Variants in SORBS3 observed in about 807,000 individuals in gnomAD.
SORBS3 encodes the protein sorbin and SH3 domain containing 3.
Under a neutral mutation model 98.0 loss-of-function variants are expected in SORBS3, and 69 were observed. The observed-to-expected ratio is 0.70, with a 90% CI of 0.58 to 0.86. The LOEUF is 0.86. Among genes scored for constraint, SORBS3 ranks in the 40% least tolerant of loss-of-function variants. The pLI is 0.00. For synonymous variants in SORBS3, 394 were observed against 355.4 expected (o/e 1.11, Z -1.22); for missense variants, 954 against 908.5 (o/e 1.05, Z -0.64).
chr8:22,552,825 C>A (rs184822078), intron 1 of SORBS3, among the ~76,000 whole-genome samples: 74 of 152,300 alleles, frequency 4.9e-4, no homozygotes, highest in African/African-American at 1.7e-3. Context: ...CTCCCCCCCG[C>A]AAGGGGAGGT....
At chr8:22,570,013 G>C (rs1336438164) in intron 17 of SORBS3, among the ~76,000 whole-genome samples, 1 of 152,168 alleles carries the variant, frequency 6.6e-6, no homozygotes, top group Non-Finnish European at 1.5e-5. Context: ...TTCTGTGTAT[G>C]CACATATATA....
rs796731407 is a variant in SORBS3 at position 22,555,128 on chromosome 8, T to C, written c.220+148T>C. ...TCCTCAGAGGCCTCTGGGCTCACTA[T>C]GAGCCCCTCCCTGCGGAGCCTGCTG... On this transcript the variant is annotated intron_variant, in intron 3 of 20. Coordinates refer to ENST00000240123, the MANE Select transcript of SORBS3 (RefSeq NM_005775.5). 33 of 689,656 alleles carry C rather than the reference T, an allele frequency of 4.8e-5. No homozygotes were observed. In the South Asian group the frequency reaches 5.5e-4, roughly 11 times the overall value. The allele number at this position is 689,656 out of a possible 1,614,324, so 42.7% of individuals were successfully genotyped here. A position where few individuals can be genotyped will look rare whatever the true frequency, so the allele number is the denominator to read the frequency against.
intron 20 of SORBS3, among the ~76,000 whole-genome samples, chr8:22,573,048 A>T (rs942974722): frequency 2.0e-5 from 3 of 152,132 alleles, no homozygotes; most frequent in African/African-American, 7.2e-5. Context: ...GAGAGAAGAG[A>T]GTGGCCAGAA....
chr8:22,552,922 CCT>C (rs1840112400), intron 1 of SORBS3, among the ~76,000 whole-genome samples: 1 of 152,202 alleles, frequency 6.6e-6, no homozygotes, highest in Non-Finnish European at 1.5e-5. Flanking sequence ...CCTCCTCCAG[CCT>C]CAGCCCTCCA....
At chr8:22,547,729 G>A (rs1394336630), upstream of SORBS3, among the ~76,000 whole-genome samples, 1 of 152,194 alleles carries the variant, frequency 6.6e-6, no homozygotes, top group Non-Finnish European at 1.5e-5. Flanking sequence ...ACAGCCACTT[G>A]TTTGTTTCAT....
intron 4 of SORBS3, among the ~76,000 whole-genome samples, chr8:22,557,434 C>T (rs1392294239): frequency 6.6e-6 from 1 of 152,170 alleles, no homozygotes; most frequent in African/African-American, 2.4e-5. Context: ...TGGTAACATT[C>T]CCTTCCTGTT....
chr8:22,568,769 G>A (rs2117281968), intron 16 of SORBS3, among the ~76,000 whole-genome samples: 1 of 152,312 alleles, frequency 6.6e-6, no homozygotes, highest in South Asian at 2.1e-4. Flanking sequence ...TGAGAAAAGG[G>A]TGAATGCTCA....
At chr8:22,560,352 T>C (rs1399390128) in intron 5 of SORBS3, among the ~76,000 whole-genome samples, 2 of 151,784 alleles carry the variant, frequency 1.3e-5, no homozygotes, top group African/African-American at 4.8e-5. Flanking sequence ...CAAGATCACC[T>C]AGGGAGATAG....
intron 10 of SORBS3, 31 bp downstream of exon 10, chr8:22,564,552 C>T (rs1840365549): frequency 1.2e-6 from 2 of 1,613,080 alleles, no homozygotes; most frequent in South Asian, 2.2e-5. Flanking sequence ...GGGACAGCAG[C>T]CTGATAAACC....
chr8:22,547,325 G>A (rs1434033266), upstream of SORBS3, among the ~76,000 whole-genome samples: 4 of 115,722 alleles, frequency 3.5e-5, no homozygotes, highest in African/African-American at 1.3e-4. Context: ...GCATGGTCTT[G>A]CCTTTTTTTT....
intron 5 of SORBS3, chr8:22,560,989 C>A (rs1469048850): frequency 3.9e-6 from 1 of 259,492 alleles, no homozygotes; most frequent in African/African-American, 2.2e-5. Flanking sequence ...GGAAGGAAAG[C>A]GTTTGGAAGA....
At position 22,575,062 on chromosome 8, in the gene SORBS3, T is replaced by C; in HGVS notation, c.*334T>C. 2.1e-6 allele frequency: 1 copy of C among 478,412 alleles called. No individual in the cohort carries two copies. The highest frequency in any genetic ancestry group is 4.1e-6 in the Non-Finnish European group (1 of 246,636). The allele number at this position is 478,412 out of a possible 1,614,324, so 29.6% of individuals were successfully genotyped here. The stretch of plus-strand genomic sequence containing the variant: ...CCCCATCCTGCTCCAGCGTTTCCTC[T>C]AACAGGGACCAGCTCTCCGCTTTGC... On this transcript the variant is annotated 3_prime_UTR_variant, in exon 21 of 21. Transcript: ENST00000240123.
chr8:22,561,544 G>C, intron 6 of SORBS3, 171 bp downstream of exon 6: 3 of 695,776 alleles, frequency 4.3e-6, no homozygotes, highest in Non-Finnish European at 7.4e-6. Flanking sequence ...CCGGTAGGTG[G>C]TAATTAACAG....
At position 22,575,241 on chromosome 8, in the gene SORBS3, G is replaced by A. The variant is rs565170362; in HGVS notation, c.*513G>A. ...TGGGTGTGGGGGGGCGGAGCAAGGC[G>A]GGGGACAGACGCAGCACCTTCTTAG... On this transcript the variant is annotated 3_prime_UTR_variant, in exon 21 of 21. Coordinates refer to ENST00000240123, the MANE Select transcript of SORBS3 (RefSeq NM_005775.5). 50 of 315,058 alleles carry A rather than the reference G, an allele frequency of 1.6e-4. No homozygotes were observed. Among genetic ancestry groups the A allele is most frequent in the South Asian group, 4.9e-4 (19 of 38,852 alleles). 19.5% of individuals were successfully genotyped at this position (315,058 alleles called of 1,614,324 possible).
chr8:22,560,640 G>T (rs889730952), intron 5 of SORBS3, among the ~76,000 whole-genome samples: 4 of 152,190 alleles, frequency 2.6e-5, no homozygotes, highest in African/African-American at 9.7e-5. Flanking sequence ...AGAGTGAGTG[G>T]TTGGGCAGTG....
At chr8:22,557,045 G>C in intron 4 of SORBS3, 137 bp downstream of exon 4, 1 of 991,522 alleles carries the variant, frequency 1.0e-6, no homozygotes, top group Admixed American at 2.4e-5. Context: ...GTTCAACCGT[G>C]GTGGGGTTCA....
In SORBS3 at chr8:22,572,419, C is replaced by G. The variant is rs1029628242; in HGVS notation, c.1927C>G (p.Gln643Glu). Reference sequence around the variant, plus strand: ...CGAGGGGGACAGGGTGGATGTCATGCAGCAGTGTGACGATGGCTGGTTTGT... The same window carrying G: ...CGAGGGGGACAGGGTGGATGTCATGGAGCAGTGTGACGATGGCTGGTTTGT... ...LREGDRVDVM[Q>E]QCDDGWFVGV... The change falls in exon 20 of 21, where the codon CAG becomes GAG. Residue 643 changes from glutamine (Q) to glutamate (E), a missense_variant. By Grantham distance (29) the Gln-to-Glu change is conservative. Transcript: ENST00000240123. 11 of 1,613,762 alleles carry G rather than the reference C, an allele frequency of 6.8e-6. No homozygotes were observed. Among genetic ancestry groups the G allele is most frequent in the Admixed American group, 5.0e-5 (3 of 60,000 alleles).
At position 22,564,321 on chromosome 8, in the gene SORBS3, G is replaced by C; in HGVS notation, c.714G>C (p.Thr238=). The C allele has an allele frequency of 6.2e-7, 1 of 1,613,276 alleles. No homozygotes were observed. The change falls in exon 9 of 21, where the codon ACG becomes ACC. Residue 238 remains threonine, a synonymous_variant. Coordinates refer to ENST00000240123, the MANE Select transcript of SORBS3 (RefSeq NM_005775.5). ...GGGAAAAAGTAGACAATGTCTGGACGGAAGAGTCCTGGAACCAGTTTCTGC... is the reference window on the plus strand; with the variant it reads ...GGGAAAAAGTAGACAATGTCTGGACCGAAGAGTCCTGGAACCAGTTTCTGC... ...RRREKVDNVW[T]EESWNQFLQE...
upstream of SORBS3, among the ~76,000 whole-genome samples, chr8:22,547,580 G>T (rs1163877831): frequency 6.6e-6 from 1 of 152,216 alleles, no homozygotes; most frequent in African/African-American, 2.4e-5. Flanking sequence ...CCTGAGCTGG[G>T]AAAGAAGGCT....
Sources: allele counts gnomAD v4.1 joint callset (sites outside exome capture counted in the v4.1 genomes callset), GRCh38; gene constraint gnomAD v4.1.1; transcripts MANE v1.5; gene names NCBI Gene and HGNC (gene_info 2026-07-23, HGNC 2026-07-21).